RYR2: variants seen among roughly 807,000 people sequenced by gnomAD.
The protein encoded by RYR2 is cardiac muscle ryanodine receptor-calcium release channel.
A neutral mutation model predicts 601.1 loss-of-function variants in RYR2; 227 were observed. The observed-to-expected ratio is 0.38, with a 90% CI of 0.34 to 0.42. The LOEUF is 0.42. Ranked by LOEUF, RYR2 falls within the 10% of genes least tolerant of loss-of-function variation. The pLI, the probability that RYR2 is intolerant of heterozygous loss-of-function variation, is 1.00. For missense variants in RYR2, 4,646 were observed against 6,156.5 expected, an observed-to-expected ratio of 0.75 and a Z score of 8.21; for synonymous variants, 2,223 against 2,175.1, an observed-to-expected ratio of 1.02 and a Z score of -0.61.
At chr1:237,775,901 A>G (rs1370653807) in intron 87 of RYR2, among the ~76,000 whole-genome samples, 1 of 152,172 alleles carries the variant, frequency 6.6e-6, no homozygotes, top group African/African-American at 2.4e-5. Context: ...AAGCCCTGCA[A>G]AGGACATTCT....
chr1:237,325,263 T>A (rs2808221), intron 2 of RYR2, among the ~76,000 whole-genome samples: 47,393 of 152,126 alleles, frequency 0.31, 7,576 homozygotes, highest in South Asian at 0.36. Context: ...CCAGGATATA[T>A]CAGTAAATTT....
At position 237,784,600 on chromosome 1, in the gene RYR2, C is replaced by T. The variant is rs1231565333; in HGVS notation, c.12888C>T (p.His4296=). 6.2e-7 allele frequency: 1 copy of T among 1,613,972 alleles called. No homozygotes were observed. The part of the protein sequence containing the change: ...SYWSIFMTLL[H]FVASVFRGFF... ...GGAGTATTTTCATGACCCTCTTGCACTTCGTGGCCAGCGTTTTCAGAGGCT... is the reference window on the plus strand; with the variant it reads ...GGAGTATTTTCATGACCCTCTTGCATTTCGTGGCCAGCGTTTTCAGAGGCT... The change falls in exon 90 of 105, where the codon CAC becomes CAT. Residue 4296 remains histidine, a synonymous_variant. Transcript: ENST00000366574. This position sits in a 1 kb window ranked among gnomAD's most constrained non-coding sequence, Gnocchi z 7.1.
chr1:237,566,165 G>A (rs547770342), intron 27 of RYR2, among the ~76,000 whole-genome samples: 3 of 151,878 alleles, frequency 2.0e-5, no homozygotes, highest in East Asian at 3.9e-4. Context: ...TCTCTCACCC[G>A]TACATGTCTA....
At chr1:237,364,222 ATG>A in intron 4 of RYR2, 134 bp from the exon 5 acceptor site, 3 of 670,782 alleles carry the variant, frequency 4.5e-6, no homozygotes, top group East Asian at 6.4e-5. Flanking sequence ...AACATGGTGA[ATG>A]TTTTTTTTTA....
chr1:237,812,894 GTTTTT>G (rs34829137), intron 100 of RYR2, among the ~76,000 whole-genome samples: 1 of 148,244 alleles, frequency 6.7e-6, no homozygotes, highest in Admixed American at 6.7e-5. Context: ...AAATGTATAA[GTTTTT>G]TTTTTTTTTT....
rs5781955 is a variant in RYR2 at position 237,416,759 on chromosome 1, C to CAG, written c.774-289_774-288insGA. Among the ~76,000 whole-genome samples, 57,209 of 138,458 alleles carry CAG rather than the reference C, an allele frequency of 0.41. 12,207 individuals are homozygous for CAG. Among genetic ancestry groups the CAG allele is most frequent in the East Asian group, 0.72 (3,348 of 4,622 alleles). The allele number at this position is 138,458 out of a possible 152,430, so 90.8% of individuals were successfully genotyped here. ...GGAGGGATGGGAAGAAACACACACA[C>CAG]ACACAGAGAGAGAGAGAGAGAGAGA... is the stretch of plus-strand genomic sequence containing the variant. On this transcript the variant is annotated intron_variant, in intron 10 of 104. Coordinates refer to ENST00000366574, the MANE Select transcript of RYR2 (RefSeq NM_001035.3).
At chr1:237,714,990 TCAAAAAAAAAAAAAAAAAAAAA>T (rs1338798751) in intron 71 of RYR2, among the ~76,000 whole-genome samples, 1 of 89,400 alleles carries the variant, frequency 1.1e-5, no homozygotes, top group Non-Finnish European at 1.9e-5. Flanking sequence ...AGACTCCATC[TCAAAAAAAAAAAAAAAAAAAAA>T]AAAAAAAAAA....
chr1:237,155,332 C>T (rs369371368), intron 1 of RYR2, among the ~76,000 whole-genome samples: 4 of 151,770 alleles, frequency 2.6e-5, no homozygotes, highest in Admixed American at 6.6e-5. Flanking sequence ...CCCACCACCA[C>T]GCTCGGCTAA....
At chr1:237,317,650 T>C (rs184076657) in intron 2 of RYR2, among the ~76,000 whole-genome samples, 3 of 152,270 alleles carry the variant, frequency 2.0e-5, no homozygotes, top group African/African-American at 7.2e-5. Flanking sequence ...TCTTTTCCAA[T>C]CTGGATGCCT....
intron 75 of RYR2, among the ~76,000 whole-genome samples, chr1:237,726,836 T>G (rs566474530): frequency 2.9e-4 from 44 of 152,244 alleles, no homozygotes; most frequent in African/African-American, 1.0e-3. Context: ...ATTGGGAAAA[T>G]GTGATATTCT....
chr1:237,789,357 T>C (rs970715895), intron 92 of RYR2, among the ~76,000 whole-genome samples: 8 of 152,250 alleles, frequency 5.3e-5, no homozygotes, highest in African/African-American at 1.9e-4. Context: ...ATATATTTTA[T>C]GCAAATATAT....
intron 1 of RYR2, among the ~76,000 whole-genome samples, chr1:237,216,829 T>A (rs118159405): frequency 0.015 from 2,322 of 151,708 alleles, 33 homozygotes; most frequent in East Asian, 0.051. Flanking sequence ...ATATACTATA[T>A]AGGTATTGCA....
chr1:237,582,923 G>GATATATATATATATATAT (rs71180101), intron 29 of RYR2, among the ~76,000 whole-genome samples: 40 of 133,198 alleles, frequency 3.0e-4, no homozygotes, highest in Middle Eastern at 3.9e-3. Flanking sequence ...TTTTCTTTTG[G>GATATATATATATATATAT]ATATATATAT....
At chr1:237,594,239 CAA>C (rs1355931990) in intron 33 of RYR2, among the ~76,000 whole-genome samples, 4 of 152,194 alleles carry the variant, frequency 2.6e-5, no homozygotes, top group Middle Eastern at 3.2e-3. Flanking sequence ...CAGAATAAGA[CAA>C]GAGAAGATCT....
intron 79 of RYR2, among the ~76,000 whole-genome samples, chr1:237,739,669 C>T (rs754484322): frequency 1.3e-5 from 2 of 152,166 alleles, no homozygotes; most frequent in African/African-American, 2.4e-5. Flanking sequence ...TAAAATGCTG[C>T]GGTCACATTC....
chr1:237,676,027 C>T (rs1009200389), intron 60 of RYR2, among the ~76,000 whole-genome samples: 2 of 152,058 alleles, frequency 1.3e-5, no homozygotes, highest in East Asian at 3.9e-4. Context: ...CCAAATTAAT[C>T]TGAATTAATG....
chr1:237,438,278 C>T (rs1326271215), intron 12 of RYR2, among the ~76,000 whole-genome samples: 1 of 151,994 alleles, frequency 6.6e-6, no homozygotes, highest in Non-Finnish European at 1.5e-5. Context: ...GGATCTGGGC[C>T]ATCTTTGCAT....
intron 2 of RYR2, 102 bp downstream of exon 2, chr1:237,270,718 A>G: frequency 7.8e-7 from 1 of 1,281,956 alleles, no homozygotes; most frequent in Non-Finnish European, 1.1e-6. Context: ...TACATACTAT[A>G]TAAATGAAAG....
At position 237,565,179 on chromosome 1, in the gene RYR2, CT is replaced by C. The variant is rs375275735; in HGVS notation, c.3215-1385del. Among the ~76,000 whole-genome samples the C allele has an allele frequency of 1.1e-3, 137 of 120,298 alleles. 3 individuals are homozygous for C. The highest frequency in any genetic ancestry group is 4.0e-3 in the African/African-American group (113 of 28,606). 78.9% of individuals were successfully genotyped at this position (120,298 alleles called of 152,430 possible). A position where few individuals can be genotyped will look rare whatever the true frequency, so the allele number is the denominator to read the frequency against. On this transcript the variant is annotated intron_variant, in intron 27 of 104. Transcript: ENST00000366574. Reference sequence around the variant, plus strand: ...TTTCTCTTTCTTTCTTTCTTTCTTTCTTTCTTTCTTTCTTTCTTTCTTTCTT... The same window carrying C: ...TTTCTCTTTCTTTCTTTCTTTCTTTCTTCTTTCTTTCTTTCTTTCTTTCTT...
Sources: allele counts gnomAD v4.1 joint callset (sites outside exome capture counted in the v4.1 genomes callset), GRCh38; gene constraint gnomAD v4.1.1; non-coding constraint Gnocchi (gnomAD v3.1); transcripts MANE v1.5; gene names NCBI Gene and HGNC (gene_info 2026-07-23, HGNC 2026-07-21).